The following SBF2 variants were observed in gnomAD, a reference collection of about 807,000 sequenced individuals.
The protein encoded by SBF2 is myotubularin-related protein 13.
In SBF2, 112 loss-of-function variants were observed where a neutral mutation model predicts 225.2. The observed-to-expected ratio is 0.50, with a 90% CI of 0.43 to 0.58. The LOEUF (loss-of-function observed/expected upper bound fraction) is 0.58, where lower values mean the gene tolerates loss of function less well. Among genes scored for constraint, SBF2 ranks in the 20% least tolerant of loss-of-function variants. The pLI is 0.00. For missense variants in SBF2, 1,996 were observed against 2,206.2 expected (o/e 0.90, Z 1.91); for synonymous variants, 763 against 773.3 (o/e 0.99, Z 0.22).
intron 13 of SBF2, among the ~76,000 whole-genome samples, chr11:9,974,949 A>G (rs1285061026): frequency 2.2e-5 from 3 of 135,420 alleles, no homozygotes; most frequent in East Asian, 4.3e-4. Context: ...AACAACAGCG[A>G]AACTTTGACT....
intron 2 of SBF2, among the ~76,000 whole-genome samples, chr11:10,176,525 C>A (rs1452461426): frequency 6.6e-6 from 1 of 151,872 alleles, no homozygotes; most frequent in African/African-American, 2.4e-5. Context: ...ACCGATCCCA[C>A]AGAAATACAA....
At chr11:9,787,855 G>GA (rs1852476511) in intron 35 of SBF2, 117 bp from the exon 36 acceptor site, 2 of 827,900 alleles carry the variant, frequency 2.4e-6, no homozygotes, top group African/African-American at 1.7e-5. Flanking sequence ...GGCAGTTGAG[G>GA]AAAGTGGTGG....
Position 9,992,524 on chromosome 11 carries a change from C to T in SBF2, c.1187G>A (p.Arg396His). ...HFHKTAFLGQ[R>H]GLVENDFLTK... ...GAGGAAATCATTCTCGACCAAACCA[C>T]GCTGCCCCAAGAATGCTGTCTGTGA... Residue 396 changes from arginine to histidine, a missense_variant, in exon 12 of 40, where the codon CGT becomes CAT. Arg to His is a conservative substitution (Grantham distance 29, BLOSUM62 0). Transcript: ENST00000256190. The T allele has an allele frequency of 3.1e-6, 5 of 1,612,510 alleles. No homozygotes were observed. The highest frequency in any genetic ancestry group is 4.2e-6 in the Non-Finnish European group (5 of 1,179,216).
intron 17 of SBF2, among the ~76,000 whole-genome samples, chr11:9,883,647 T>C (rs1200788515): frequency 1.3e-5 from 2 of 152,228 alleles, no homozygotes; most frequent in African/African-American, 4.8e-5. Flanking sequence ...TCAATGATAA[T>C]AAATCACAAG....
In SBF2 at chr11:9,779,272, A is replaced by ATTAGT. The variant is rs1253780135; in HGVS notation, c.*1141_*1145dup. 6.6e-6 allele frequency: 1 copy of ATTAGT among 152,654 alleles called. No homozygotes were observed. The highest frequency in any genetic ancestry group is 1.9e-4 in the East Asian group (1 of 5,208). 9.5% of individuals were successfully genotyped at this position (152,654 alleles called of 1,614,324 possible). On this transcript the variant is annotated 3_prime_UTR_variant, in exon 40 of 40. Transcript: ENST00000256190. ...AATCATATATACACATTTTTGAAAT[A>ATTAGT]TTAGTTTAGTATTTAACATATTAAC...
chr11:10,279,670 GAC>G (rs1265610253), intron 1 of SBF2, among the ~76,000 whole-genome samples: 3 of 152,044 alleles, frequency 2.0e-5, no homozygotes, highest in African/African-American at 7.2e-5. Context: ...TTGTTTTTGA[GAC>G]AGAGTCTCCC....
intron 1 of SBF2, among the ~76,000 whole-genome samples, chr11:10,210,750 C>T (rs1475417140): frequency 1.3e-5 from 2 of 149,846 alleles, no homozygotes; most frequent in African/African-American, 4.9e-5. Flanking sequence ...CGGTGGCTCA[C>T]ACCTGTAATC....
intron 16 of SBF2, among the ~76,000 whole-genome samples, chr11:9,931,034 G>A (rs2134258479): frequency 6.6e-6 from 1 of 152,372 alleles, no homozygotes; most frequent in South Asian, 2.1e-4. Flanking sequence ...ACTTTGAGGT[G>A]GCAGCCTGGC....
intron 1 of SBF2, among the ~76,000 whole-genome samples, chr11:10,278,347 TAAC>T (rs1258203182): frequency 3.9e-5 from 6 of 152,346 alleles, no homozygotes; most frequent in African/African-American, 1.4e-4. Context: ...ATTATGGTAA[TAAC>T]AATTTTAAAT....
chr11:9,967,074 A>G (rs1254919828), intron 14 of SBF2, among the ~76,000 whole-genome samples: 2 of 152,228 alleles, frequency 1.3e-5, no homozygotes, highest in Non-Finnish European at 2.9e-5. Flanking sequence ...TTATTCAGAC[A>G]TTTAAAAATA....
chr11:10,187,769 T>C (rs959853944), intron 2 of SBF2, among the ~76,000 whole-genome samples: 1 of 152,186 alleles, frequency 6.6e-6, no homozygotes, highest in South Asian at 2.1e-4. Flanking sequence ...AAAAACCTTC[T>C]ATTATGTTAA....
In SBF2 at chr11:9,829,351, C is replaced by T. The variant is rs749557174; in HGVS notation, c.3793+5G>A. The T allele has an allele frequency of 1.2e-6, 2 of 1,614,068 alleles. No homozygotes were observed. Among genetic ancestry groups the T allele is most frequent in the South Asian group, 2.2e-5 (2 of 91,076 alleles). ...GTCAAGAAGAAAAGTATTATCAAATCTTACCTGGAGATAGAGCAAAGGCTG... is the reference window on the plus strand; with the variant it reads ...GTCAAGAAGAAAAGTATTATCAAATTTTACCTGGAGATAGAGCAAAGGCTG... On this transcript the variant is annotated splice_donor_5th_base_variant and intron_variant, in intron 28 of 39. Transcript: ENST00000256190.
At chr11:9,786,807 A>G (rs1590081454) in intron 36 of SBF2, among the ~76,000 whole-genome samples, 1 of 152,222 alleles carries the variant, frequency 6.6e-6, no homozygotes, top group Non-Finnish European at 1.5e-5. Context: ...ACCCTTCCAC[A>G]TATTATGTGC....
chr11:9,912,612 T>C (rs567863230), intron 16 of SBF2, among the ~76,000 whole-genome samples: 3 of 152,286 alleles, frequency 2.0e-5, no homozygotes, highest in Non-Finnish European at 2.9e-5. Flanking sequence ...TTTTAGCTCA[T>C]TGGCTATTTT....
intron 2 of SBF2, among the ~76,000 whole-genome samples, chr11:10,119,396 G>A (rs951102570): frequency 2.6e-5 from 4 of 152,058 alleles, no homozygotes; most frequent in Non-Finnish European, 5.9e-5. Context: ...AACAATAAAG[G>A]CATAAGCAAC....
intron 26 of SBF2, among the ~76,000 whole-genome samples, chr11:9,837,831 G>C (rs1032348441): frequency 1.1e-4 from 16 of 152,054 alleles, no homozygotes; most frequent in Non-Finnish European, 2.9e-5. Flanking sequence ...TCCACCACCA[G>C]GGTTCAAGTG....
In SBF2 at chr11:10,242,218, A is replaced by G. The variant is rs560631500; in HGVS notation, c.56-48231T>C. Among the ~76,000 whole-genome samples, 9 of 152,186 alleles carry G rather than the reference A, an allele frequency of 5.9e-5. No individual in the cohort carries two copies. The South Asian group carries it at 1.7e-3, about 28-fold the overall frequency. ...AAAGAGTCGTTCTGACATAAATAACATAGAGTGTGTGGCAAAGGCATTATA... is the reference window on the plus strand; with the variant it reads ...AAAGAGTCGTTCTGACATAAATAACGTAGAGTGTGTGGCAAAGGCATTATA... On this transcript the variant is annotated intron_variant, in intron 1 of 39. Coordinates refer to ENST00000256190, the MANE Select transcript of SBF2 (RefSeq NM_030962.4).
intron 17 of SBF2, among the ~76,000 whole-genome samples, chr11:9,882,559 A>G (rs912985787): frequency 6.2e-4 from 94 of 152,164 alleles, no homozygotes; most frequent in Admixed American, 1.1e-3. Context: ...CTGTAATCCC[A>G]GCACTTTGGG....
Position 10,114,618 on chromosome 11 carries a change from G to T in SBF2, c.142-71637C>A, listed in dbSNP as rs556303442. ...CTCAAAAGTTTGCTGAATGAAAACC[G>T]ATGACATTTTAATATCAATTATTGT... On this transcript the variant is annotated intron_variant, in intron 2 of 39. Transcript: ENST00000256190. 2.0e-5 allele frequency among the ~76,000 whole-genome samples: 3 copies of T among 152,262 alleles called. No individual in the cohort carries two copies. The South Asian group carries it at 6.2e-4, about 32-fold the overall frequency.
Sources: gnomAD v4.1 joint callset for allele counts (sites outside exome capture counted in the v4.1 genomes callset) on GRCh38, gnomAD v4.1.1 for gene constraint, MANE v1.5 for transcripts, NCBI Gene and HGNC (gene_info 2026-07-23, HGNC 2026-07-21) for gene names.